Variants in GARRE1 observed in about 807,000 individuals in gnomAD.
GARRE1 encodes the protein granule associated Rac and RHOG effector 1.
GARRE1 carries 49 observed loss-of-function variants against 103.2 expected under a neutral mutation model. The observed-to-expected ratio is 0.47, with a 90% confidence interval of 0.38 to 0.60. The LOEUF (loss-of-function observed/expected upper bound fraction) is 0.60. Among genes scored for constraint, GARRE1 ranks in the 20% least tolerant of loss-of-function variants. The pLI, the probability that GARRE1 is intolerant of heterozygous loss-of-function variation, is 0.00. For synonymous variants in GARRE1, 505 were observed against 532.8 expected, an observed-to-expected ratio of 0.95 and a Z score of 0.72; for missense variants, 1,199 against 1,370.5, an observed-to-expected ratio of 0.87 and a Z score of 1.98.
At chr19:34,317,989 G>T (rs990873225) in intron 2 of GARRE1, among the ~76,000 whole-genome samples, 1 of 152,238 alleles carries the variant, frequency 6.6e-6, no homozygotes, top group African/African-American at 2.4e-5. Flanking sequence ...TCTGAAGGAG[G>T]TGTGAGTGGA....
chr19:34,289,809 G>A (rs1489262246), intron 1 of GARRE1, among the ~76,000 whole-genome samples: 1 of 152,150 alleles, frequency 6.6e-6, no homozygotes, highest in African/African-American at 2.4e-5. Flanking sequence ...CTGTCTGCCA[G>A]TTTGAAGTTC....
At chr19:34,255,256 C>T (rs2073664618) in intron 1 of GARRE1, among the ~76,000 whole-genome samples, 1 of 152,238 alleles carries the variant, frequency 6.6e-6, no homozygotes, top group Non-Finnish European at 1.5e-5. Context: ...AGCGCAGAGT[C>T]AGGGGTGTGT....
intron 1 of GARRE1, among the ~76,000 whole-genome samples, chr19:34,266,891 T>G (rs565297148): frequency 6.6e-5 from 10 of 151,212 alleles, no homozygotes; most frequent in African/African-American, 1.2e-4. Flanking sequence ...TAAATACTTG[T>G]TTTTTTTTCC....
At chr19:34,335,197 C>T (rs1599778563) in intron 8 of GARRE1, among the ~76,000 whole-genome samples, 1 of 152,290 alleles carries the variant, frequency 6.6e-6, no homozygotes, top group African/African-American at 2.4e-5. Flanking sequence ...TACAACCTTT[C>T]TGGAGGGCAA....
At chr19:34,347,065 G>A (rs1008158782) in intron 10 of GARRE1, among the ~76,000 whole-genome samples, 3 of 150,204 alleles carry the variant, frequency 2.0e-5, no homozygotes, top group Admixed American at 6.6e-5. Flanking sequence ...CTGTGACTAC[G>A]GGTGCACACC....
At chr19:34,264,640 C>T (rs183469976) in intron 1 of GARRE1, among the ~76,000 whole-genome samples, 164 of 152,208 alleles carry the variant, frequency 1.1e-3, no homozygotes, top group African/African-American at 3.6e-3. Flanking sequence ...CCTTGTGATC[C>T]GCCCACCTCG....
intron 2 of GARRE1, among the ~76,000 whole-genome samples, chr19:34,304,526 C>T (rs1182433583): frequency 1.3e-5 from 2 of 151,814 alleles, no homozygotes; most frequent in African/African-American, 4.8e-5. Context: ...CAGGCACGTG[C>T]CACCACACCT....
Position 34,341,527 on chromosome 19 carries a change from C to G in GARRE1, c.1593C>G (p.Gly531=). 2.5e-6 allele frequency: 4 copies of G among 1,614,066 alleles called. No individual in the cohort carries two copies. Among genetic ancestry groups the G allele is most frequent in the Non-Finnish European group, 3.4e-6 (4 of 1,180,018 alleles). ...PSGNGNKSSG[G]LQKTFSKLTS... ...GAAATGGAAACAAATCTTCAGGTGG[C>G]CTGCAGAAGACATTCTCCAAACTGA... The change falls in exon 10 of 14, where the codon GGC becomes GGG. Residue 531 remains glycine, a synonymous_variant. Transcript: ENST00000299505.
At chr19:34,349,729 CAGGG>C (rs2074227763) in intron 12 of GARRE1, among the ~76,000 whole-genome samples, 1 of 152,010 alleles carries the variant, frequency 6.6e-6, no homozygotes, top group Non-Finnish European at 1.5e-5. Context: ...AGAGGGCACG[CAGGG>C]CTCCCAGGCA....
At chr19:34,337,781 AT>A (rs1265596155) in intron 8 of GARRE1, among the ~76,000 whole-genome samples, 1 of 152,228 alleles carries the variant, frequency 6.6e-6, no homozygotes, top group African/African-American at 2.4e-5. Context: ...TTTCAGAAAG[AT>A]TAATTATCAT....
intron 3 of GARRE1, among the ~76,000 whole-genome samples, chr19:34,321,132 C>T (rs2074086335): frequency 7.1e-6 from 1 of 140,048 alleles, no homozygotes; most frequent in African/African-American, 2.7e-5. Context: ...TCTCAGCTCA[C>T]TGCAAGCTCT....
chr19:34,263,482 CTTT>C (rs776854533), intron 1 of GARRE1, among the ~76,000 whole-genome samples: 1 of 140,208 alleles, frequency 7.1e-6, no homozygotes, highest in African/African-American at 2.6e-5. Flanking sequence ...TCTTTTTTTT[CTTT>C]TTTTTTTTTT....
At chr19:34,315,944 C>T (rs983749070) in intron 2 of GARRE1, among the ~76,000 whole-genome samples, 1 of 152,168 alleles carries the variant, frequency 6.6e-6, no homozygotes, top group African/African-American at 2.4e-5. Flanking sequence ...AGAAAACAGG[C>T]TCTCATTCAG....
intron 2 of GARRE1, among the ~76,000 whole-genome samples, chr19:34,309,417 A>C (rs2074026846): frequency 6.6e-6 from 1 of 152,222 alleles, no homozygotes; most frequent in African/African-American, 2.4e-5. Flanking sequence ...GTCTTGGTTG[A>C]TTGGGATTTA....
intron 1 of GARRE1, among the ~76,000 whole-genome samples, chr19:34,269,878 G>A (rs188130852): frequency 6.6e-6 from 1 of 152,322 alleles, no homozygotes; most frequent in Admixed American, 6.5e-5. Flanking sequence ...TTCCATGGAA[G>A]CCATTTCTGT....
intron 6 of GARRE1, among the ~76,000 whole-genome samples, chr19:34,329,746 G>A (rs2074128869): frequency 6.6e-6 from 1 of 152,054 alleles, no homozygotes; most frequent in Non-Finnish European, 1.5e-5. Flanking sequence ...TGAGGCAGAA[G>A]AATTGCTTGA....
chr19:34,265,305 T>C (rs1358600530), intron 1 of GARRE1, among the ~76,000 whole-genome samples: 1 of 152,132 alleles, frequency 6.6e-6, no homozygotes, highest in African/African-American at 2.4e-5. Context: ...CAGGCTCTGG[T>C]GACCTAGGCA....
Position 34,302,311 on chromosome 19 carries a change from T to TC in GARRE1, c.495+1343_495+1344insC, listed in dbSNP as rs1387751637. 2.0e-4 allele frequency among the ~76,000 whole-genome samples: 29 copies of TC among 147,602 alleles called. No individual in the cohort carries two copies. In the East Asian group the frequency reaches 5.0e-3, roughly 25 times the overall value. On this transcript the variant is annotated intron_variant, in intron 2 of 13. Coordinates refer to ENST00000299505, the MANE Select transcript of GARRE1 (RefSeq NM_014686.5). ...CCAGCCGTTTTTTTTTTTTTTTTTT[T>TC]TGAGACGGAGTCTCACTCTGTCACA...
chr19:34,346,519 T>A (rs900616414), intron 10 of GARRE1, among the ~76,000 whole-genome samples: 3 of 152,248 alleles, frequency 2.0e-5, no homozygotes, highest in Non-Finnish European at 4.4e-5. Flanking sequence ...CCCAATGCTT[T>A]GATGCTTTGT....
Sources: allele counts gnomAD v4.1 joint callset (sites outside exome capture counted in the v4.1 genomes callset), GRCh38; gene constraint gnomAD v4.1.1; transcripts MANE v1.5; gene names NCBI Gene and HGNC (gene_info 2026-07-23, HGNC 2026-07-21).